Variants in ATP10D observed in about 807,000 individuals in gnomAD.
The protein encoded by ATP10D is ATPase phospholipid transporting 10D (putative).
A neutral mutation model predicts 144.8 loss-of-function variants in ATP10D; 89 were observed. The ratio of observed to expected loss-of-function variants is 0.61; its 90% CI spans 0.52 to 0.73. The LOEUF is 0.73. Ranked by LOEUF, ATP10D falls within the 30% of genes least tolerant of loss-of-function variation. The pLI is 0.00. For synonymous variants in ATP10D, 571 were observed against 615.1 expected, an observed-to-expected ratio of 0.93 and a Z score of 1.06; for missense variants, 1,603 against 1,714.8, an observed-to-expected ratio of 0.93 and a Z score of 1.15.
Position 47,573,378 on chromosome 4 carries a change from T to A in ATP10D, c.3366+381T>A, listed in dbSNP as rs147136249. 1.1e-3 allele frequency among the ~76,000 whole-genome samples: 166 copies of A among 152,336 alleles called. 3 individuals carry two copies. The highest frequency in any genetic ancestry group is 3.9e-3 in the African/African-American group (164 of 41,580). ...CCGTTTTACTGGAAATACCAAAAAATATCAGCTCTTCCAAATTAATGCCCC... is the reference window on the plus strand; with the variant it reads ...CCGTTTTACTGGAAATACCAAAAAAAATCAGCTCTTCCAAATTAATGCCCC... On this transcript the variant is annotated intron_variant, in intron 18 of 22. Transcript: ENST00000273859.
In ATP10D at chr4:47,572,990, A is replaced by G; in HGVS notation, c.3359A>G (p.Lys1120Arg). Residue 1120 changes from lysine (K) to arginine (R), a missense_variant, in exon 18 of 23, where the codon AAG becomes AGG. Physicochemically the swap from Lys to Arg is conservative, Grantham distance 26. Transcript: ENST00000273859. ...LSNMILYFFY[K>R]NVAYVNLLFW... is the part of the protein sequence containing the mutation. Reference sequence around the variant, plus strand: ...AACATGATTCTCTATTTTTTCTATAAGAATGTGGTATGTAACCCCAGAGAA... The same window carrying G: ...AACATGATTCTCTATTTTTTCTATAGGAATGTGGTATGTAACCCCAGAGAA... 1 of 1,614,100 alleles carries G rather than the reference A, an allele frequency of 6.2e-7. No homozygotes were observed. The highest frequency in any genetic ancestry group is 8.5e-7 in the Non-Finnish European group (1 of 1,179,956).
At chr4:47,550,033 T>C (rs1004265858) in intron 10 of ATP10D, among the ~76,000 whole-genome samples, 8 of 151,104 alleles carry the variant, frequency 5.3e-5, no homozygotes, top group African/African-American at 1.9e-4. Flanking sequence ...TTGCGTCCAC[T>C]CTTAAGCCAA....
intron 1 of ATP10D, among the ~76,000 whole-genome samples, chr4:47,502,765 G>GTGC (rs1342666194): frequency 6.6e-6 from 1 of 151,160 alleles, no homozygotes; most frequent in East Asian, 1.9e-4. Flanking sequence ...TTCTTACTGA[G>GTGC]TGCGTGCTTG....
chr4:47,506,405 A>G (rs940873744), intron 1 of ATP10D, among the ~76,000 whole-genome samples: 2 of 152,174 alleles, frequency 1.3e-5, no homozygotes, highest in South Asian at 4.1e-4. Context: ...TGTTTCTTCA[A>G]TTCTGATCTT....
At chr4:47,548,818 CT>C (rs1560438591) in intron 10 of ATP10D, among the ~76,000 whole-genome samples, 1 of 152,146 alleles carries the variant, frequency 6.6e-6, no homozygotes, top group South Asian at 2.1e-4. Flanking sequence ...TTGATTTTAT[CT>C]TTTTGAAGAC....
At chr4:47,504,478 A>C (rs904968260) in intron 1 of ATP10D, among the ~76,000 whole-genome samples, 1 of 152,166 alleles carries the variant, frequency 6.6e-6, no homozygotes, top group East Asian at 1.9e-4. Flanking sequence ...GTCACAGATG[A>C]CACAGATTGG....
At chr4:47,522,009 A>G (rs1393108038) in intron 3 of ATP10D, among the ~76,000 whole-genome samples, 6 of 152,190 alleles carry the variant, frequency 3.9e-5, no homozygotes, top group Admixed American at 6.5e-5. Context: ...TTGCTATTTA[A>G]TCTGATGAAA....
At chr4:47,531,156 G>A (rs898616894) in intron 5 of ATP10D, among the ~76,000 whole-genome samples, 1 of 152,048 alleles carries the variant, frequency 6.6e-6, no homozygotes, top group African/African-American at 2.4e-5. Flanking sequence ...TTGTTGGTAG[G>A]TCTTTTATTA....
chr4:47,536,535 A>G lies in ATP10D; in HGVS notation c.1114A>G (p.Met372Val), dbSNP rs1246997944. The change falls in exon 8 of 23, where the codon ATG becomes GTG. Residue 372 changes from methionine (M) to valine (V), a missense_variant. Met to Val is a conservative substitution (Grantham distance 21, BLOSUM62 1). Transcript: ENST00000273859. ...IISPLLAGFY[M>V]FWTMIILLQV... ...ATCACCACTGTTGGCAGGATTTTAT[A>G]TGTTTTGGACCATGATCATTTTGTT... 3 of 1,613,510 alleles carry G rather than the reference A, an allele frequency of 1.9e-6. No individual in the cohort carries two copies. The Admixed American group carries it at 5.0e-5, about 27-fold the overall frequency.
intron 7 of ATP10D, 41 bp from the exon 8 acceptor site, chr4:47,536,396 T>C: frequency 6.2e-7 from 1 of 1,603,404 alleles, no homozygotes; most frequent in Non-Finnish European, 8.5e-7. Flanking sequence ...TTGCATGCCA[T>C]ATATTTAGCA....
Position 47,523,092 on chromosome 4 carries a change from T to A in ATP10D, c.566T>A (p.Ile189Asn), listed in dbSNP as rs1412336116. 1.9e-6 allele frequency: 3 copies of A among 1,614,018 alleles called. No individual in the cohort carries two copies. Among genetic ancestry groups the A allele is most frequent in the Non-Finnish European group, 2.5e-6 (3 of 1,179,964 alleles). The change falls in exon 4 of 23, where the codon ATC becomes AAC. Residue 189 changes from isoleucine (I) to asparagine (N), a missense_variant. Ile to Asn is a moderately radical substitution (Grantham distance 149). Coordinates refer to ENST00000273859, the MANE Select transcript of ATP10D (RefSeq NM_020453.4). The stretch of plus-strand genomic sequence containing the variant: ...ATTCGCCTCTCCTGCAACGAGGTCA[T>A]CCCTGCAGACATGGTACTACTCTTT... ...DFIRLSCNEV[I>N]PADMVLLFST...
chr4:47,566,388 T>C (rs1478495772), intron 15 of ATP10D, among the ~76,000 whole-genome samples: 2 of 152,198 alleles, frequency 1.3e-5, no homozygotes, highest in African/African-American at 2.4e-5. Context: ...AGTTTTATTT[T>C]TGTAATTTCA....
At chr4:47,509,355 G>A (rs1461406980) in intron 1 of ATP10D, among the ~76,000 whole-genome samples, 1 of 152,124 alleles carries the variant, frequency 6.6e-6, no homozygotes, top group African/African-American at 2.4e-5. Flanking sequence ...AAAGCTTTCT[G>A]TGTATAACAT....
Position 47,535,597 on chromosome 4 carries a change from G to T in ATP10D, c.865G>T (p.Gly289Cys). The T allele has an allele frequency of 6.2e-7, 1 of 1,612,356 alleles. No homozygotes were observed. ...CATTAGAAACACAGAGGCTGTTGTG[G>T]GCATTGTGGTTTATGCAGGTCGGTT... ...CTIRNTEAVV[G>C]IVVYAGHETK... The change falls in exon 6 of 23, where the codon GGC (glycine) becomes TGC (cysteine). Residue 289 changes from glycine to cysteine, a missense_variant. By Grantham distance (159) the Gly-to-Cys change is radical. Transcript: ENST00000273859.
At chr4:47,522,929 C>G in intron 3 of ATP10D, 83 bp from the exon 4 acceptor site, 3 of 1,130,576 alleles carry the variant, frequency 2.7e-6, no homozygotes, top group Non-Finnish European at 3.8e-6. Flanking sequence ...TTAAATTATA[C>G]GCTAAAAAAT....
At chr4:47,559,732 G>A (rs1215063674) in intron 13 of ATP10D, among the ~76,000 whole-genome samples, 3 of 152,122 alleles carry the variant, frequency 2.0e-5, no homozygotes, top group African/African-American at 4.8e-5. Flanking sequence ...TCTGATGGCT[G>A]GGCACAGTAG....
At chr4:47,497,092 C>T (rs13144725) in intron 1 of ATP10D, among the ~76,000 whole-genome samples, 43,593 of 151,990 alleles carry the variant, frequency 0.29, 7,181 homozygotes, top group Admixed American at 0.35. Context: ...CCTCCCACCT[C>T]GGCCTCCCGA....
At chr4:47,495,831 G>A (rs112494819) in intron 1 of ATP10D, among the ~76,000 whole-genome samples, 17,105 of 151,106 alleles carry the variant, frequency 0.11, 1,286 homozygotes, top group African/African-American at 0.21. Context: ...TCCATCTCCC[G>A]TTTTCAAGCA....
At chr4:47,546,459 G>T (rs1447897324) in intron 9 of ATP10D, among the ~76,000 whole-genome samples, 165 bp from the exon 10 acceptor site, 2 of 152,192 alleles carry the variant, frequency 1.3e-5, no homozygotes, top group Non-Finnish European at 2.9e-5. Flanking sequence ...TCTCAGTGAG[G>T]TATAAGGTAA....
Sources: gnomAD v4.1 joint callset for allele counts (sites outside exome capture counted in the v4.1 genomes callset) on GRCh38, gnomAD v4.1.1 for gene constraint, MANE v1.5 for transcripts, NCBI Gene and HGNC (gene_info 2026-07-23, HGNC 2026-07-21) for gene names.